MEIS1: variants seen among roughly 807,000 people sequenced by gnomAD.
MEIS1 encodes the protein Meis homeobox 1.
A neutral mutation model predicts 50.8 loss-of-function variants in MEIS1; 5 were observed. The observed-to-expected ratio is 0.10, with a 90% CI of 0.05 to 0.21. MEIS1 has a LOEUF of 0.21. MEIS1 is among the 10% of genes least tolerant of loss of function. MEIS1 has a pLI of 1.00. For synonymous variants in MEIS1, 176 were observed against 179.3 expected (o/e 0.98, Z 0.15); for missense variants, 318 against 517.3 (o/e 0.61, Z 3.74).
chr2:66,554,259 G>A (rs960957564), intron 9 of MEIS1, among the ~76,000 whole-genome samples: 2 of 152,224 alleles, frequency 1.3e-5, no homozygotes, highest in African/African-American at 2.4e-5. Flanking sequence ...CTTTGAACAT[G>A]GTATGCAGGT....
intron 6 of MEIS1, among the ~76,000 whole-genome samples, chr2:66,451,494 CTTAT>C (rs1672275120): frequency 6.6e-6 from 1 of 152,010 alleles, no homozygotes; most frequent in African/African-American, 2.4e-5. Context: ...TTGTAAAAGG[CTTAT>C]TTCTCTTCTT....
At chr2:66,567,890 A>C (rs535860266) in intron 10 of MEIS1, 1 of 455,182 alleles carries the variant, frequency 2.2e-6, no homozygotes, top group Non-Finnish European at 4.0e-6. Flanking sequence ...ATTACCTGTC[A>C]AAAGGGCAAA....
intron 7 of MEIS1, among the ~76,000 whole-genome samples, chr2:66,477,259 A>G (rs774871544): frequency 6.6e-6 from 1 of 152,178 alleles, no homozygotes; most frequent in African/African-American, 2.4e-5. Context: ...TAGAGAGAGT[A>G]GCTTTGAGGA....
At chr2:66,462,016 A>G in intron 6 of MEIS1, 1 of 368,096 alleles carries the variant, frequency 2.7e-6, no homozygotes, top group Non-Finnish European at 5.5e-6. Context: ...ATTAATCTAC[A>G]TCCTGCACAG....
At chr2:66,526,878 C>T (rs1397121861) in intron 8 of MEIS1, among the ~76,000 whole-genome samples, 2 of 152,198 alleles carry the variant, frequency 1.3e-5, no homozygotes, top group African/African-American at 4.8e-5. Context: ...TTACTTCTCT[C>T]ATTGAGCCCT....
intron 7 of MEIS1, among the ~76,000 whole-genome samples, chr2:66,499,451 A>G (rs1333150547): frequency 2.6e-5 from 4 of 151,768 alleles, no homozygotes; most frequent in African/African-American, 9.7e-5. Flanking sequence ...CTCATTCTCT[A>G]TCATTAGCTC....
intron 8 of MEIS1, among the ~76,000 whole-genome samples, chr2:66,522,018 G>T (rs1196677184): frequency 6.6e-6 from 1 of 152,172 alleles, no homozygotes; most frequent in African/African-American, 2.4e-5. Context: ...TGCGATGGGT[G>T]GGCATTTATC....
chr2:66,473,397 A>AAAAAAAATATATATATAT, intron 7 of MEIS1, among the ~76,000 whole-genome samples: 66 of 107,524 alleles, frequency 6.1e-4, no homozygotes, highest in African/African-American at 3.4e-3. Context: ...AAAAAAAAAA[A>AAAAAAAATATATATATAT]ATATATATAT....
chr2:66,554,797 A>G lies in MEIS1; in HGVS notation c.965+6778A>G, dbSNP rs915827124. On this transcript the variant is annotated intron_variant, in intron 9 of 12. Transcript: ENST00000272369. ...GGAAAAAAAATACTTTGATAAGGAG[A>G]CAAACAGAGAAATTAATTAAAAAGT... 1.3e-4 allele frequency among the ~76,000 whole-genome samples: 20 copies of G among 152,150 alleles called. No individual in the cohort carries two copies. In the South Asian group the frequency reaches 4.1e-3, roughly 31 times the overall value.
chr2:66,483,941 T>A (rs1435819699), intron 7 of MEIS1, among the ~76,000 whole-genome samples: 1 of 152,174 alleles, frequency 6.6e-6, no homozygotes, highest in Non-Finnish European at 1.5e-5. Context: ...ACAATAACCT[T>A]TGGTTTTTGA....
intron 6 of MEIS1, among the ~76,000 whole-genome samples, chr2:66,455,334 A>G (rs936418281): frequency 6.6e-6 from 1 of 152,226 alleles, no homozygotes; most frequent in African/African-American, 2.4e-5. Context: ...TACCACATGT[A>G]GAAATCTATA....
chr2:66,495,808 C>G (rs1002546828), intron 7 of MEIS1, among the ~76,000 whole-genome samples: 1 of 152,182 alleles, frequency 6.6e-6, no homozygotes, highest in Non-Finnish European at 1.5e-5. Flanking sequence ...TAATCTGGAT[C>G]TAGAAATTGG....
rs139328321 is a variant in MEIS1 at position 66,503,440 on chromosome 2, T to C, written c.743-8709T>C. ...AGTTGACTTTTCTCCGCCCTTTAGA[T>C]TTTGGCTCAAGATCACTCCAGCCTA... On this transcript the variant is annotated intron_variant, in intron 7 of 12. Transcript: ENST00000272369. Among the ~76,000 whole-genome samples the C allele has an allele frequency of 5.6e-3, 858 of 152,314 alleles. 7 individuals carry two copies. The highest frequency in any genetic ancestry group is 0.02 in the African/African-American group (822 of 41,568).
At chr2:66,463,272 T>C (rs1464398990) in intron 6 of MEIS1, among the ~76,000 whole-genome samples, 2 of 151,854 alleles carry the variant, frequency 1.3e-5, no homozygotes, top group Non-Finnish European at 2.9e-5. Context: ...ACCAGCTTTG[T>C]ATTTTGCATC....
intron 7 of MEIS1, among the ~76,000 whole-genome samples, chr2:66,498,722 T>C (rs1432675601): frequency 3.3e-5 from 5 of 152,166 alleles, no homozygotes; most frequent in Admixed American, 3.3e-4. Flanking sequence ...AGTGAGGCAT[T>C]CATGTGCACC....
chr2:66,450,517 C>G (rs1209686445), intron 6 of MEIS1, among the ~76,000 whole-genome samples: 1 of 152,018 alleles, frequency 6.6e-6, no homozygotes. Context: ...AATAAGTTTA[C>G]GAAGTGAAAT....
At chr2:66,453,112 G>C (rs1021702595) in intron 6 of MEIS1, among the ~76,000 whole-genome samples, 1 of 151,758 alleles carries the variant, frequency 6.6e-6, no homozygotes, top group Non-Finnish European at 1.5e-5. Flanking sequence ...CTACTGTTGC[G>C]ACATTCTAAA....
chr2:66,551,133 C>A (rs1292227185), intron 9 of MEIS1, among the ~76,000 whole-genome samples: 1 of 152,048 alleles, frequency 6.6e-6, no homozygotes, highest in Non-Finnish European at 1.5e-5. Context: ...AAAATATAAA[C>A]TCATGTCTAG....
intron 7 of MEIS1, among the ~76,000 whole-genome samples, chr2:66,506,672 T>C (rs537193685): frequency 6.6e-6 from 1 of 152,294 alleles, no homozygotes; most frequent in East Asian, 1.9e-4. Context: ...CTATTATATA[T>C]TCTAAATGAA....
Sources: gnomAD v4.1 joint callset for allele counts (sites outside exome capture counted in the v4.1 genomes callset) on GRCh38, gnomAD v4.1.1 for gene constraint, MANE v1.5 for transcripts, NCBI Gene and HGNC (gene_info 2026-07-23, HGNC 2026-07-21) for gene names.